STK32C: variants seen among roughly 807,000 people sequenced by gnomAD.
STK32C encodes the protein serine/threonine-protein kinase 32C.
STK32C carries 31 observed loss-of-function variants against 56.5 expected under a neutral mutation model. That is an observed-to-expected ratio of 0.55 (90% CI 0.41 to 0.74). STK32C has a LOEUF of 0.74. STK32C is among the 30% of genes least tolerant of loss of function. The probability of loss-of-function intolerance (pLI) is 0.00; values close to 1 mark genes in which losing one functional copy is unlikely to be tolerated. For missense variants in STK32C, 544 were observed against 676.9 expected, an observed-to-expected ratio of 0.80 and a Z score of 2.18; for synonymous variants, 309 against 289.4, an observed-to-expected ratio of 1.07 and a Z score of -0.69.
Position 132,307,269 on chromosome 10 carries a change from C to A in STK32C, c.262+303G>T. The A allele has an allele frequency of 4.0e-6, 1 of 247,306 alleles. No individual in the cohort carries two copies. The highest frequency in any genetic ancestry group is 8.7e-5 in the East Asian group (1 of 11,466). 15.3% of individuals were successfully genotyped at this position (247,306 alleles called of 1,614,324 possible). On this transcript the variant is annotated intron_variant, in intron 1 of 11. Coordinates refer to ENST00000298630, the MANE Select transcript of STK32C (RefSeq NM_173575.4). The surrounding 1 kb of genome is among the most constrained non-coding windows in gnomAD (Gnocchi z 4.4). ...TCACGGAAAGCGGAAAGCAGGGCTGCCACGGGCGGTGGGCGGAGGCGCGCG... is the reference window on the plus strand; with the variant it reads ...TCACGGAAAGCGGAAAGCAGGGCTGACACGGGCGGTGGGCGGAGGCGCGCG...
intron 1 of STK32C, among the ~76,000 whole-genome samples, chr10:132,289,658 A>G (rs537077602): frequency 6.6e-6 from 1 of 152,292 alleles, no homozygotes; most frequent in South Asian, 2.1e-4. Context: ...GTGAGGGCCC[A>G]CTTCTCGGCT....
chr10:132,273,850 A>AGTGAGTGAACG (rs2064913261), intron 1 of STK32C, among the ~76,000 whole-genome samples: 1 of 138,782 alleles, frequency 7.2e-6, no homozygotes, highest in African/African-American at 2.7e-5. Flanking sequence ...ATGAACGCAC[A>AGTGAGTGAACG]GTGAGTGAAT....
At chr10:132,320,539 C>G (rs902388649), downstream of STK32C, among the ~76,000 whole-genome samples, 8 of 151,990 alleles carry the variant, frequency 5.3e-5, no homozygotes, top group African/African-American at 1.9e-4. Flanking sequence ...CCCGCAGAGG[C>G]TGGGGCACGG....
chr10:132,260,784 G>T (rs965574295), intron 1 of STK32C, among the ~76,000 whole-genome samples: 1 of 152,220 alleles, frequency 6.6e-6, no homozygotes, highest in Admixed American at 6.5e-5. Context: ...GCAGGGAGAG[G>T]GGCGAGACAG....
At chr10:132,258,765 C>A (rs1317871874) in intron 1 of STK32C, among the ~76,000 whole-genome samples, 1 of 152,220 alleles carries the variant, frequency 6.6e-6, no homozygotes, top group Non-Finnish European at 1.5e-5. Flanking sequence ...CCTGAGCGGG[C>A]CCAGGCCACA....
At chr10:132,304,187 C>T (rs1313164930) in intron 1 of STK32C, among the ~76,000 whole-genome samples, 1 of 152,216 alleles carries the variant, frequency 6.6e-6, no homozygotes, top group Admixed American at 6.5e-5. Context: ...CCTCACAGTC[C>T]TGTGACAGGA....
At position 132,226,891 on chromosome 10, in the gene STK32C, T is replaced by C; in HGVS notation, c.548A>G (p.Gln183Arg). The C allele has an allele frequency of 6.2e-7, 1 of 1,613,488 alleles. No individual in the cohort carries two copies. The highest frequency in any genetic ancestry group is 8.5e-7 in the Non-Finnish European group (1 of 1,180,034). Residue 183 changes from glutamine (Q) to arginine (R), a missense_variant, in exon 4 of 12, where the codon CAG becomes CGG. Transcript: ENST00000298630. The part of the protein sequence containing the change: ...LLGGDLRYHL[Q>R]QNVQFSEDTV... ...GTCCTCGGAGAACTGCACGTTCTGC[T>C]GCAGGTGGTAGCGCAGGTCCCCGCC...
intron 10 of STK32C, among the ~76,000 whole-genome samples, chr10:132,212,053 T>A (rs562079523): frequency 6.6e-6 from 1 of 152,050 alleles, no homozygotes; most frequent in East Asian, 1.9e-4. Context: ...CAGGCTTCAG[T>A]CCCTAGCACC....
chr10:132,257,044 C>T (rs1210219996), intron 1 of STK32C, among the ~76,000 whole-genome samples: 1 of 152,166 alleles, frequency 6.6e-6, no homozygotes, highest in African/African-American at 2.4e-5. Context: ...TGGCCAGGAG[C>T]AGATGGATGG....
chr10:132,254,896 A>G (rs977340506), intron 1 of STK32C, among the ~76,000 whole-genome samples: 1 of 152,030 alleles, frequency 6.6e-6, no homozygotes, highest in Non-Finnish European at 1.5e-5. Flanking sequence ...GGTGCTGGAC[A>G]GTTTCAGAGC....
At chr10:132,224,637 C>A (rs2062814383) in intron 7 of STK32C, 114 bp from the exon 8 acceptor site, 1 of 759,352 alleles carries the variant, frequency 1.3e-6, no homozygotes, top group Admixed American at 2.0e-5. Flanking sequence ...ACCCCAAGTG[C>A]AGGCACAGCT....
intron 1 of STK32C, among the ~76,000 whole-genome samples, chr10:132,304,424 C>G (rs1296194572): frequency 6.6e-6 from 1 of 152,188 alleles, no homozygotes; most frequent in African/African-American, 2.4e-5. Flanking sequence ...GGGTCCACAG[C>G]CTGGGGCTGA....
intron 10 of STK32C, among the ~76,000 whole-genome samples, chr10:132,215,356 A>G (rs1007313033): frequency 1.3e-5 from 2 of 151,922 alleles, no homozygotes; most frequent in Non-Finnish European, 2.9e-5. Flanking sequence ...CCCCACCCCA[A>G]TCTCAGCTTG....
chr10:132,209,268 G>A (rs2062212602), intron 10 of STK32C, 167 bp from the exon 11 acceptor site: 1 of 715,124 alleles, frequency 1.4e-6, no homozygotes, highest in Non-Finnish European at 2.5e-6. Flanking sequence ...GACTGCCCGG[G>A]AGCTCGCATC....
chr10:132,270,430 G>A (rs1218347508), intron 1 of STK32C, among the ~76,000 whole-genome samples: 3 of 152,200 alleles, frequency 2.0e-5, no homozygotes, highest in African/African-American at 7.2e-5. Context: ...CTGCAGGGGA[G>A]TGACCTCTGG....
At chr10:132,225,102 G>GT (rs2062836977) in intron 7 of STK32C, 131 bp downstream of exon 7, 1 of 681,464 alleles carries the variant, frequency 1.5e-6, no homozygotes, top group African/African-American at 1.8e-5. Flanking sequence ...CGATAAAAGC[G>GT]TGACTCCTCA....
chr10:132,241,171 C>A (rs998704974), intron 2 of STK32C, among the ~76,000 whole-genome samples: 1 of 152,232 alleles, frequency 6.6e-6, no homozygotes, highest in African/African-American at 2.4e-5. Context: ...TCCACCCACA[C>A]CTGCTGCCCA....
At chr10:132,208,821 C>T (rs953651402) in intron 11 of STK32C, among the ~76,000 whole-genome samples, 1 of 152,120 alleles carries the variant, frequency 6.6e-6, no homozygotes, top group East Asian at 1.9e-4. Context: ...CAGAAGATTC[C>T]AGCCACGGGC....
intron 1 of STK32C, among the ~76,000 whole-genome samples, chr10:132,280,530 CT>C (rs2065153131): frequency 7.0e-6 from 1 of 143,626 alleles, no homozygotes; most frequent in Non-Finnish European, 1.5e-5. Context: ...CGTGATCACG[CT>C]GAGGCCTCCA....
Sources: gnomAD v4.1 joint callset for allele counts (sites outside exome capture counted in the v4.1 genomes callset) on GRCh38, gnomAD v4.1.1 for gene constraint, Gnocchi (gnomAD v3.1) non-coding constraint, MANE v1.5 for transcripts, NCBI Gene and HGNC (gene_info 2026-07-23, HGNC 2026-07-21) for gene names.